The following MAPK10 variants were observed in gnomAD, a reference collection of about 807,000 sequenced individuals.
The protein encoded by MAPK10 is JNK3 alpha protein kinase.
In MAPK10, 25 loss-of-function variants were observed where a neutral mutation model predicts 59.3. The ratio of observed to expected loss-of-function variants is 0.42; its 90% CI spans 0.31 to 0.59. The LOEUF (loss-of-function observed/expected upper bound fraction) is 0.59. Ranked by LOEUF, MAPK10 falls within the 20% of genes least tolerant of loss-of-function variation. The pLI, the probability that MAPK10 is intolerant of heterozygous loss-of-function variation, is 0.15. For missense variants in MAPK10, 351 were observed against 568.9 expected (o/e 0.62, Z 3.90); for synonymous variants, 190 against 200.5 (o/e 0.95, Z 0.44).
chr4:86,581,905 AT>A (rs1762317686), intron 1 of MAPK10, among the ~76,000 whole-genome samples: 1 of 2,810 alleles, frequency 3.6e-4, no homozygotes. Context: ...TATATTATAT[AT>A]ATATATATAT....
intron 2 of MAPK10, among the ~76,000 whole-genome samples, chr4:86,296,968 C>T (rs1446460161): frequency 1.3e-5 from 2 of 152,158 alleles, no homozygotes; most frequent in East Asian, 1.9e-4. Flanking sequence ...TATCAAACTT[C>T]GTGTGCATCA....
intron 3 of MAPK10, among the ~76,000 whole-genome samples, chr4:86,172,380 A>G (rs1266038091): frequency 6.7e-6 from 1 of 149,984 alleles, no homozygotes; most frequent in Non-Finnish European, 1.5e-5. Context: ...TACACCATGG[A>G]ATACTATGCA....
At chr4:86,556,392 A>G (rs1760270406) in intron 1 of MAPK10, among the ~76,000 whole-genome samples, 1 of 152,170 alleles carries the variant, frequency 6.6e-6, no homozygotes, top group African/African-American at 2.4e-5. Context: ...TTTTTTTACA[A>G]AATTCTAGAT....
intron 1 of MAPK10, among the ~76,000 whole-genome samples, chr4:86,501,114 GAAA>G (rs11341561): frequency 0.011 from 983 of 87,790 alleles, 4 homozygotes; most frequent in African/African-American, 0.028. Flanking sequence ...TCTACGATCT[GAAA>G]AAAAAAAAAA....
chr4:86,382,628 T>C (rs1279060157), intron 1 of MAPK10, among the ~76,000 whole-genome samples: 1 of 152,230 alleles, frequency 6.6e-6, no homozygotes, highest in Non-Finnish European at 1.5e-5. Context: ...AGAATGAATG[T>C]ATTCACTTGC....
intron 10 of MAPK10, chr4:86,065,496 T>A (rs1054233281): frequency 6.6e-6 from 1 of 152,214 alleles, no homozygotes; most frequent in African/African-American, 2.4e-5. Flanking sequence ...TTAGTAAGAT[T>A]GTTAAAAGAC....
At position 86,064,548 on chromosome 4, in the gene MAPK10, C is replaced by T. The variant is rs2046355193; in HGVS notation, c.986-158G>A. On this transcript the variant is annotated intron_variant, in intron 10 of 13. Transcript: ENST00000641462. ...GATGGAAAAGAAAATGCATTTTACA[C>T]CTGTTTCTTTGTGTCTCTAAGCCTA... 9 of 675,042 alleles carry T rather than the reference C, an allele frequency of 1.3e-5. No homozygotes were observed. In the Admixed American group the frequency reaches 1.3e-4, roughly 10 times the overall value. The allele number at this position is 675,042 out of a possible 1,614,324, so 41.8% of individuals were successfully genotyped here.
At chr4:86,432,746 A>G (rs192587797) in intron 1 of MAPK10, among the ~76,000 whole-genome samples, 2 of 152,294 alleles carry the variant, frequency 1.3e-5, no homozygotes, top group African/African-American at 4.8e-5. Flanking sequence ...GAGGAGCCCA[A>G]AACAACAAAG....
chr4:86,340,210 A>C (rs1426835451), intron 2 of MAPK10: 1 of 152,254 alleles, frequency 6.6e-6, no homozygotes. Context: ...TATACAAAGG[A>C]GAAAACTGAG....
At chr4:86,167,344 G>T (rs546415671) in intron 3 of MAPK10, among the ~76,000 whole-genome samples, 2 of 152,192 alleles carry the variant, frequency 1.3e-5, no homozygotes, top group African/African-American at 4.8e-5. Flanking sequence ...TTGAAAAGGA[G>T]GAACTTCCCT....
At position 86,527,637 on chromosome 4, in the gene MAPK10, C is replaced by T. The variant is rs561309242; in HGVS notation, c.-263+66273G>A. Among the ~76,000 whole-genome samples the T allele has an allele frequency of 3.3e-5, 5 of 152,280 alleles. No individual in the cohort carries two copies. The South Asian group carries it at 6.2e-4, about 19-fold the overall frequency. On this transcript the variant is annotated intron_variant, in intron 1 of 4. Transcript: ENST00000502302. ...AAGCACTTAAAACAGAACTACTATT[C>T]GACCTGGCAATCCCATTACTGGGTA...
intron 1 of MAPK10, among the ~76,000 whole-genome samples, chr4:86,384,411 G>A (rs1428136438): frequency 7.2e-5 from 11 of 152,200 alleles, no homozygotes; most frequent in Admixed American, 5.9e-4. Flanking sequence ...ATGGATGGGA[G>A]AATGGTAGGA....
intron 1 of MAPK10, among the ~76,000 whole-genome samples, chr4:86,370,374 AC>A (rs1459713992): frequency 6.6e-6 from 1 of 152,140 alleles, no homozygotes; most frequent in East Asian, 1.9e-4. Context: ...GAAATAGATA[AC>A]AAATTTAAAA....
At chr4:86,056,942 A>ATTTATTTTAT (rs573398020) in intron 11 of MAPK10, among the ~76,000 whole-genome samples, 2 of 111,852 alleles carry the variant, frequency 1.8e-5, no homozygotes, top group African/African-American at 4.4e-5. Context: ...TTTTTTGTTT[A>ATTTATTTTAT]TTTATTTTAT....
At chr4:86,456,933 A>G (rs897434435), upstream of MAPK10, among the ~76,000 whole-genome samples, 38 of 152,312 alleles carry the variant, frequency 2.5e-4, no homozygotes, top group African/African-American at 8.9e-4. Flanking sequence ...ACTGAATCCA[A>G]CAACACATCC....
intron 2 of MAPK10, among the ~76,000 whole-genome samples, chr4:86,310,758 T>C (rs1416182714): frequency 6.6e-6 from 1 of 152,112 alleles, no homozygotes; most frequent in Admixed American, 6.5e-5. Flanking sequence ...CTCTCTGTTA[T>C]TTTTTTCCTA....
At chr4:86,212,612 CA>C (rs1211485390) in intron 2 of MAPK10, among the ~76,000 whole-genome samples, 3 of 151,806 alleles carry the variant, frequency 2.0e-5, no homozygotes, top group Admixed American at 6.6e-5. Context: ...AACTTTAAAT[CA>C]AAAAAAGTTT....
chr4:86,563,206 T>A (rs1760809457), intron 1 of MAPK10, among the ~76,000 whole-genome samples: 1 of 152,220 alleles, frequency 6.6e-6, no homozygotes, highest in South Asian at 2.1e-4. Flanking sequence ...GAAACCTTTG[T>A]AAACTGAAAG....
At chr4:86,418,399 A>G (rs1167313133) in intron 1 of MAPK10, among the ~76,000 whole-genome samples, 1 of 152,174 alleles carries the variant, frequency 6.6e-6, no homozygotes, top group Admixed American at 6.6e-5. Flanking sequence ...TTATGCATCA[A>G]CTAGAGAGAT....
Sources: allele counts gnomAD v4.1 joint callset (sites outside exome capture counted in the v4.1 genomes callset), GRCh38; gene constraint gnomAD v4.1.1; transcripts MANE v1.5; gene names NCBI Gene and HGNC (gene_info 2026-07-23, HGNC 2026-07-21).